Variants in CSMD1 observed in about 807,000 individuals in gnomAD.
CSMD1 encodes CUB and Sushi multiple domains 1, also known as CUB and sushi domain-containing protein 1.
In CSMD1, 213 loss-of-function variants were observed where a neutral mutation model predicts 417.5. The observed-to-expected ratio is 0.51, with a 90% CI of 0.46 to 0.57. The LOEUF (loss-of-function observed/expected upper bound fraction) is 0.57, where lower values mean the gene tolerates loss of function less well. Ranked by LOEUF, CSMD1 falls within the 20% of genes least tolerant of loss-of-function variation. The pLI, the probability that CSMD1 is intolerant of heterozygous loss-of-function variation, is 0.00. For synonymous variants in CSMD1, 2,862 were observed against 1,736.8 expected (o/e 1.65, Z -16.11); for missense variants, 6,923 against 4,529.7 (o/e 1.53, Z -15.17).
chr8:4,108,661 G>C (rs753660024), intron 3 of CSMD1, among the ~76,000 whole-genome samples: 3 of 152,104 alleles, frequency 2.0e-5, no homozygotes, highest in Non-Finnish European at 4.4e-5. Context: ...TGACACTTTC[G>C]ACAAATTATT....
intron 3 of CSMD1, among the ~76,000 whole-genome samples, chr8:4,067,361 G>C (rs970249236): frequency 6.6e-6 from 1 of 152,214 alleles, no homozygotes; most frequent in Non-Finnish European, 1.5e-5. Flanking sequence ...ATTTTAAAGT[G>C]ATTCGGGAGT....
intron 7 of CSMD1, among the ~76,000 whole-genome samples, chr8:3,675,105 T>G (rs1458632376): frequency 6.6e-6 from 1 of 152,146 alleles, no homozygotes; most frequent in Admixed American, 6.5e-5. Context: ...CTTGAAGAGA[T>G]GCAGTGGCCT....
chr8:3,128,716 T>G, intron 41 of CSMD1: 1 of 364,748 alleles, frequency 2.7e-6, no homozygotes, highest in South Asian at 2.2e-5. Context: ...CAAATTCATG[T>G]TCTCATTTAT....
chr8:4,710,502 T>A (rs1399164955), intron 1 of CSMD1, among the ~76,000 whole-genome samples: 1 of 148,476 alleles, frequency 6.7e-6, no homozygotes, highest in Non-Finnish European at 1.5e-5. Context: ...CTCTCTCAAA[T>A]TACATTGAGT....
chr8:4,044,304 C>G (rs554594589), intron 3 of CSMD1, among the ~76,000 whole-genome samples: 89 of 152,280 alleles, frequency 5.8e-4, no homozygotes, highest in African/African-American at 2.1e-3. Context: ...GAAATCATCT[C>G]TGAAAATTGA....
At chr8:3,120,706 G>GGT (rs1554431371) in intron 41 of CSMD1, among the ~76,000 whole-genome samples, 2 of 147,344 alleles carry the variant, frequency 1.4e-5, no homozygotes, top group African/African-American at 5.2e-5. Flanking sequence ...AATTAGCCAG[G>GGT]GGGGGTGACC....
chr8:4,619,284 G>A (rs978837646), intron 2 of CSMD1, among the ~76,000 whole-genome samples: 4 of 152,092 alleles, frequency 2.6e-5, no homozygotes, highest in Non-Finnish European at 5.9e-5. Context: ...ATAAATGCAT[G>A]TAACAAAATT....
At chr8:4,637,289 T>G (rs2617007) in intron 2 of CSMD1, 53 bp downstream of exon 2, 1,142,183 of 1,394,742 alleles carry the variant, frequency 0.82, 468,995 homozygotes, top group South Asian at 0.91. Flanking sequence ...CTAGATTTCA[T>G]AATCTGTGTA....
chr8:3,962,273 T>C (rs995422435), intron 5 of CSMD1, among the ~76,000 whole-genome samples: 5 of 151,944 alleles, frequency 3.3e-5, no homozygotes, highest in Admixed American at 2.6e-4. Flanking sequence ...GGTTCTTCTG[T>C]CCTGGAACTG....
At chr8:4,936,293 T>C (rs1426221329) in intron 1 of CSMD1, among the ~76,000 whole-genome samples, 3 of 152,194 alleles carry the variant, frequency 2.0e-5, no homozygotes, top group Non-Finnish European at 2.9e-5. Flanking sequence ...AATTTTAAAA[T>C]GTGTGCATGG....
intron 1 of CSMD1, among the ~76,000 whole-genome samples, chr8:4,730,988 G>C (rs1213087918): frequency 1.3e-5 from 2 of 152,078 alleles, no homozygotes; most frequent in East Asian, 1.9e-4. Flanking sequence ...GAAGGCTTGG[G>C]AGTTCTATGT....
chr8:3,396,549 C>T (rs532442835), intron 16 of CSMD1, among the ~76,000 whole-genome samples, 168 bp from the exon 17 acceptor site: 1 of 152,116 alleles, frequency 6.6e-6, no homozygotes, highest in African/African-American at 2.4e-5. Context: ...ATAGTATGTT[C>T]TTTTCTTGAT....
At chr8:3,432,789 C>T (rs1814301169) in intron 12 of CSMD1, among the ~76,000 whole-genome samples, 1 of 152,180 alleles carries the variant, frequency 6.6e-6, no homozygotes, top group South Asian at 2.1e-4. Flanking sequence ...CCTGGGATTA[C>T]AGGCATGAGC....
rs867716761 is a variant in CSMD1, at chr8:3,405,310, T to A, written c.2266+717A>T. ...ATGGACTGTGAACATATACTCTAAG[T>A]AAACATTTTTAAAATGAGTAATTAT... On this transcript the variant is annotated intron_variant, in intron 15 of 69. Transcript: ENST00000635120. Among the ~76,000 whole-genome samples the A allele has an allele frequency of 2.0e-5, 3 of 152,312 alleles. No homozygotes were observed. The South Asian group carries it at 6.2e-4, about 32-fold the overall frequency.
chr8:4,652,215 A>G (rs1803942873), intron 1 of CSMD1, among the ~76,000 whole-genome samples: 1 of 152,218 alleles, frequency 6.6e-6, no homozygotes, highest in Non-Finnish European at 1.5e-5. Flanking sequence ...AAAGAACCAT[A>G]AAAATCAAAG....
intron 3 of CSMD1, among the ~76,000 whole-genome samples, chr8:4,199,704 C>G (rs1442490517): frequency 6.6e-6 from 1 of 152,112 alleles, no homozygotes; most frequent in African/African-American, 2.4e-5. Context: ...TATTGTTAAT[C>G]CAGTGCCATT....
At chr8:4,273,166 A>C (rs11136714) in intron 3 of CSMD1, among the ~76,000 whole-genome samples, 35,620 of 152,094 alleles carry the variant, frequency 0.23, 4,356 homozygotes, top group East Asian at 0.38. Flanking sequence ...TTATCTTTTA[A>C]AAGAGATTTG....
At chr8:3,360,355 T>C (rs1024716577) in intron 20 of CSMD1, among the ~76,000 whole-genome samples, 9 of 152,392 alleles carry the variant, frequency 5.9e-5, no homozygotes, top group African/African-American at 2.2e-4. Flanking sequence ...AGCCAACTCC[T>C]TCTGATCTCC....
At position 4,574,637 on chromosome 8, in the gene CSMD1, G is replaced by T. The variant is rs144511366; in HGVS notation, c.302+62705C>A. On this transcript the variant is annotated intron_variant, in intron 2 of 69. Coordinates refer to ENST00000635120, the MANE Select transcript of CSMD1 (RefSeq NM_033225.6). ...TGTGTCCATGAATACATTAATGGGAGACACTTAAAGAATTCTGAATCTTTG... is the reference window on the plus strand; with the variant it reads ...TGTGTCCATGAATACATTAATGGGATACACTTAAAGAATTCTGAATCTTTG... 2.0e-3 allele frequency among the ~76,000 whole-genome samples: 307 copies of T among 152,270 alleles called. 2 individuals carry two copies. Among genetic ancestry groups the T allele is most frequent in the African/African-American group, 6.8e-3 (282 of 41,550 alleles).
Sources: gnomAD v4.1 joint callset for allele counts (sites outside exome capture counted in the v4.1 genomes callset) on GRCh38, gnomAD v4.1.1 for gene constraint, MANE v1.5 for transcripts, NCBI Gene and HGNC (gene_info 2026-07-23, HGNC 2026-07-21) for gene names.